Variants in PRKCH observed in about 807,000 individuals in gnomAD.
PRKCH encodes the protein protein kinase C eta, also known as protein kinase C eta type.
A neutral mutation model predicts 82.5 loss-of-function variants in PRKCH; 28 were observed. The observed-to-expected ratio is 0.34, with a 90% CI of 0.25 to 0.47. The LOEUF is 0.47. Ranked by LOEUF, PRKCH falls within the 20% of genes least tolerant of loss-of-function variation. The pLI is 1.00. For missense variants in PRKCH, 705 were observed against 881.8 expected, an observed-to-expected ratio of 0.80 and a Z score of 2.54; for synonymous variants, 322 against 327.4, an observed-to-expected ratio of 0.98 and a Z score of 0.18.
chr14:61,462,946 C>T (rs1446860681), intron 9 of PRKCH: 1 of 152,380 alleles, frequency 6.6e-6, no homozygotes, highest in African/African-American at 2.4e-5. Context: ...CAGGCTGACT[C>T]TGACTCCATA....
chr14:61,519,826 T>C (rs894552229), intron 10 of PRKCH, among the ~76,000 whole-genome samples: 1 of 150,704 alleles, frequency 6.6e-6, no homozygotes, highest in African/African-American at 2.5e-5. Context: ...ATAAATGCCA[T>C]CCACGACAAT....
intron 1 of PRKCH, among the ~76,000 whole-genome samples, chr14:61,384,079 G>T (rs1463334710): frequency 6.6e-6 from 1 of 152,238 alleles, no homozygotes; most frequent in East Asian, 1.9e-4. Flanking sequence ...CAGGAGAAAG[G>T]ATGAGGGAGG....
At chr14:61,343,248 A>C (rs2045950095) in intron 1 of PRKCH, among the ~76,000 whole-genome samples, 1 of 151,956 alleles carries the variant, frequency 6.6e-6, no homozygotes, top group Non-Finnish European at 1.5e-5. Flanking sequence ...GAATGGGCTT[A>C]ATGTAACTTC....
intron 2 of PRKCH, among the ~76,000 whole-genome samples, chr14:61,411,443 C>T (rs1209632844): frequency 6.6e-6 from 1 of 152,020 alleles, no homozygotes; most frequent in Admixed American, 6.5e-5. Flanking sequence ...TTACTTTTGG[C>T]CAAATGCTGA....
intron 1 of PRKCH, among the ~76,000 whole-genome samples, chr14:61,283,175 G>A: frequency 6.6e-6 from 1 of 151,932 alleles, no homozygotes; most frequent in East Asian, 1.9e-4. Flanking sequence ...AAGCCTATCT[G>A]GTAAATCTTA....
intron 10 of PRKCH, among the ~76,000 whole-genome samples, chr14:61,500,897 A>G (rs987130194): frequency 4.6e-5 from 7 of 152,144 alleles, no homozygotes; most frequent in African/African-American, 1.7e-4. Flanking sequence ...GGTCCATCTC[A>G]AAGTTGGAAA....
chr14:61,306,534 C>T (rs988063556), intron 1 of PRKCH: 1 of 152,206 alleles, frequency 6.6e-6, no homozygotes, highest in Non-Finnish European at 1.5e-5. Flanking sequence ...CATTGTGTTT[C>T]CTTTCTCTCA....
intron 13 of PRKCH, 58 bp downstream of exon 13, chr14:61,547,944 C>T (rs888660996): frequency 3.3e-5 from 52 of 1,583,828 alleles, no homozygotes; most frequent in Middle Eastern, 1.7e-4. Context: ...CAGCATTCCA[C>T]CAAAGTCCGT....
In PRKCH at chr14:61,453,213, C is replaced by A. The variant is rs1270929983; in HGVS notation, c.833-13C>A. ...CTTTCTGAACATGGATTCTGTTTTC[C>A]TTTTCCCTCTAGTATGTAAAATGAA... On this transcript the variant is annotated splice_polypyrimidine_tract_variant and intron_variant, in intron 6 of 13. Coordinates refer to ENST00000332981, the MANE Select transcript of PRKCH (RefSeq NM_006255.5). The A allele has an allele frequency of 9.3e-6, 15 of 1,613,922 alleles. No individual in the cohort carries two copies. In the Admixed American group the frequency reaches 2.3e-4, roughly 25 times the overall value.
intron 1 of PRKCH, among the ~76,000 whole-genome samples, chr14:61,276,625 G>C (rs2140089128): frequency 6.6e-6 from 1 of 151,804 alleles, no homozygotes; most frequent in African/African-American, 2.4e-5. Context: ...CAAAGTGCTG[G>C]GATTACAGGC....
chr14:61,226,056 A>G (rs1265678096), intron 1 of PRKCH, among the ~76,000 whole-genome samples: 4 of 152,164 alleles, frequency 2.6e-5, no homozygotes, highest in Non-Finnish European at 5.9e-5. Context: ...ATGAAAATTC[A>G]TTTTACCGAA....
intron 2 of PRKCH, among the ~76,000 whole-genome samples, chr14:61,409,843 C>T (rs1207556617): frequency 2.0e-5 from 3 of 151,952 alleles, no homozygotes; most frequent in Non-Finnish European, 4.4e-5. Flanking sequence ...TGGTAAGAGC[C>T]AGGGCCAGCA....
intron 10 of PRKCH, among the ~76,000 whole-genome samples, chr14:61,512,788 C>T (rs1468556459): frequency 2.0e-5 from 3 of 152,074 alleles, no homozygotes; most frequent in African/African-American, 7.2e-5. Context: ...TACCTACAAG[C>T]CCAATTTTCT....
chr14:61,198,669 A>C (rs551922232), intron 1 of PRKCH, among the ~76,000 whole-genome samples: 41 of 152,218 alleles, frequency 2.7e-4, no homozygotes, highest in Non-Finnish European at 4.9e-4. Context: ...TGAATGAAGG[A>C]GTACATTAGT....
intron 9 of PRKCH, among the ~76,000 whole-genome samples, chr14:61,478,125 GA>G (rs1276197885): frequency 6.6e-6 from 1 of 152,238 alleles, no homozygotes; most frequent in East Asian, 1.9e-4. Flanking sequence ...TGATGATGAG[GA>G]TAATAATAGT....
chr14:61,199,931 A>G (rs937786922), intron 1 of PRKCH, among the ~76,000 whole-genome samples: 5 of 152,226 alleles, frequency 3.3e-5, no homozygotes, highest in Admixed American at 2.6e-4. Context: ...ATCTAAAGCT[A>G]GTTATGATAC....
Position 61,287,891 on chromosome 14 carries a change from A to T in PRKCH, c.-19+100223A>T, listed in dbSNP as rs368939308. ...TCCTGTCCCCAGTGTAGTGAAACTC[A>T]CTGGTTTGGGGAAGTCTTCACCTCA... On this transcript the variant is annotated intron_variant, in intron 1 of 3. Coordinates refer to the PRKCH transcript ENST00000555185. 2.3e-4 allele frequency among the ~76,000 whole-genome samples: 35 copies of T among 152,194 alleles called. No individual in the cohort carries two copies. The South Asian group carries it at 7.3e-3, about 32-fold the overall frequency.
intron 1 of PRKCH, among the ~76,000 whole-genome samples, chr14:61,271,464 A>G (rs1292700397): frequency 6.6e-6 from 1 of 152,164 alleles, no homozygotes; most frequent in Non-Finnish European, 1.5e-5. Context: ...TCCTTCACAG[A>G]TTTAGTCTTA....
chr14:61,262,263 C>T (rs1170676907), intron 1 of PRKCH, among the ~76,000 whole-genome samples: 1 of 146,574 alleles, frequency 6.8e-6, no homozygotes, highest in Non-Finnish European at 1.5e-5. Flanking sequence ...CTCATAATAG[C>T]TCCAAACTGG....
Sources: gnomAD v4.1 joint callset for allele counts (sites outside exome capture counted in the v4.1 genomes callset) on GRCh38, gnomAD v4.1.1 for gene constraint, MANE v1.5 for transcripts, NCBI Gene and HGNC (gene_info 2026-07-23, HGNC 2026-07-21) for gene names.